Variants in CTNNA3 observed in about 807,000 individuals in gnomAD.
The protein encoded by CTNNA3 is catenin alpha 3.
Under a neutral mutation model 95.7 loss-of-function variants are expected in CTNNA3, and 76 were observed. The ratio of observed to expected loss-of-function variants is 0.79; its 90% CI spans 0.66 to 0.96. CTNNA3 has a LOEUF of 0.96. CTNNA3 is among the 40% of genes least tolerant of loss of function. The pLI, the probability that CTNNA3 is intolerant of heterozygous loss-of-function variation, is 0.00. For synonymous variants in CTNNA3, 431 were observed against 374.4 expected (o/e 1.15, Z -1.74); for missense variants, 1,191 against 1,089.8 (o/e 1.09, Z -1.31).
chr10:66,405,947 A>C (rs1384413267), intron 11 of CTNNA3, among the ~76,000 whole-genome samples: 2 of 152,130 alleles, frequency 1.3e-5, no homozygotes, highest in African/African-American at 4.8e-5. Context: ...TGAAAGCAGC[A>C]TCCTTTCAGA....
intron 5 of CTNNA3, among the ~76,000 whole-genome samples, chr10:67,254,541 C>T (rs1866254927): frequency 6.6e-6 from 1 of 152,118 alleles, no homozygotes; most frequent in Non-Finnish European, 1.5e-5. Flanking sequence ...ACTCTGAGCC[C>T]AATGTAATGC....
intron 13 of CTNNA3, among the ~76,000 whole-genome samples, chr10:66,278,991 C>T (rs1194023426): frequency 2.0e-5 from 3 of 152,084 alleles, no homozygotes; most frequent in African/African-American, 7.2e-5. Flanking sequence ...TACAGGGCCA[C>T]ATTTTCTAAT....
intron 10 of CTNNA3, among the ~76,000 whole-genome samples, chr10:66,555,860 T>A (rs1842373276): frequency 6.6e-6 from 1 of 151,730 alleles, no homozygotes; most frequent in Admixed American, 6.6e-5. Flanking sequence ...AGAGCACAAA[T>A]AAACAAGTGG....
At chr10:66,579,385 G>C (rs1392347271) in intron 10 of CTNNA3, among the ~76,000 whole-genome samples, 1 of 151,710 alleles carries the variant, frequency 6.6e-6, no homozygotes, top group African/African-American at 2.4e-5. Flanking sequence ...ATTATGAATG[G>C]ATTATAAATG....
intron 7 of CTNNA3, among the ~76,000 whole-genome samples, chr10:66,806,062 G>A (rs561292381): frequency 7.9e-5 from 12 of 152,032 alleles, no homozygotes; most frequent in African/African-American, 2.9e-4. Context: ...TGGGAAAAAG[G>A]TCATTCTAAT....
At chr10:67,371,926 T>C (rs1314268284) in intron 5 of CTNNA3, among the ~76,000 whole-genome samples, 1 of 152,222 alleles carries the variant, frequency 6.6e-6, no homozygotes, top group Non-Finnish European at 1.5e-5. Context: ...CCATTCTAAC[T>C]GGTGTGAGAT....
chr10:67,442,351 T>C (rs900484658), intron 5 of CTNNA3, among the ~76,000 whole-genome samples: 1 of 152,090 alleles, frequency 6.6e-6, no homozygotes, highest in Non-Finnish European at 1.5e-5. Context: ...AATAAGTCCT[T>C]ACTTATCAAT....
At chr10:67,692,350 T>C (rs2133591404) in intron 1 of CTNNA3, among the ~76,000 whole-genome samples, 1 of 145,948 alleles carries the variant, frequency 6.9e-6, no homozygotes, top group African/African-American at 2.5e-5. Context: ...CGTGTCTGTG[T>C]AGAAAGAGGT....
intron 11 of CTNNA3, among the ~76,000 whole-genome samples, chr10:66,455,404 G>A (rs1472476508): frequency 6.6e-6 from 1 of 152,114 alleles, no homozygotes; most frequent in African/African-American, 2.4e-5. Flanking sequence ...GTGCAGCAAG[G>A]TTATAGTGAG....
At chr10:66,390,523 G>A (rs948982495) in intron 11 of CTNNA3, among the ~76,000 whole-genome samples, 1 of 152,034 alleles carries the variant, frequency 6.6e-6, no homozygotes, top group Non-Finnish European at 1.5e-5. Context: ...TGAGCTAAGA[G>A]ACTTAAGCTA....
chr10:66,652,033 T>C (rs541433722), intron 9 of CTNNA3, among the ~76,000 whole-genome samples: 3 of 143,018 alleles, frequency 2.1e-5, no homozygotes, highest in Non-Finnish European at 3.0e-5. Context: ...TAGAAGTTTA[T>C]AGCAATAGAC....
In CTNNA3 at chr10:66,276,321, G is replaced by A. The variant is rs914981377; in HGVS notation, c.1884+4149C>T. Among the ~76,000 whole-genome samples, 13 of 152,132 alleles carry A rather than the reference G, an allele frequency of 8.5e-5. No homozygotes were observed. In the East Asian group the frequency reaches 1.9e-3, roughly 23 times the overall value. On this transcript the variant is annotated intron_variant, in intron 13 of 17. Coordinates refer to ENST00000433211, the MANE Select transcript of CTNNA3 (RefSeq NM_013266.4). ...TGTGAAATCTACATTCTGAATGCCC[G>A]TTATAGGAAAAATTTTACCTGAATC... is the stretch of plus-strand genomic sequence containing the variant.
chr10:66,105,107 C>T (rs538581677), intron 13 of CTNNA3, among the ~76,000 whole-genome samples: 1 of 152,244 alleles, frequency 6.6e-6, no homozygotes, highest in Non-Finnish European at 1.5e-5. Flanking sequence ...ATTAACATCC[C>T]CCCTCTCGCC....
chr10:66,877,588 T>C (rs1844675201), intron 7 of CTNNA3, among the ~76,000 whole-genome samples: 1 of 152,146 alleles, frequency 6.6e-6, no homozygotes, highest in South Asian at 2.1e-4. Flanking sequence ...ATCTGTGAGA[T>C]GGCCATTTAC....
chr10:67,291,812 A>G (rs936560096), intron 5 of CTNNA3, among the ~76,000 whole-genome samples: 2 of 152,214 alleles, frequency 1.3e-5, no homozygotes, highest in African/African-American at 4.8e-5. Context: ...ACCAAGGGAA[A>G]ACTCCTTCAG....
chr10:67,120,075 G>A (rs1022295086), intron 7 of CTNNA3, among the ~76,000 whole-genome samples: 2 of 151,890 alleles, frequency 1.3e-5, no homozygotes, highest in Admixed American at 6.6e-5. Flanking sequence ...TAGCACACAA[G>A]AGGGATGCAG....
intron 7 of CTNNA3, among the ~76,000 whole-genome samples, chr10:66,854,665 G>A (rs1843621926): frequency 6.6e-6 from 1 of 151,836 alleles, no homozygotes; most frequent in Non-Finnish European, 1.5e-5. Flanking sequence ...TGACTGACAA[G>A]GGCATTTCAC....
intron 5 of CTNNA3, among the ~76,000 whole-genome samples, chr10:67,432,916 G>GT (rs995620116): frequency 2.6e-5 from 4 of 152,026 alleles, no homozygotes; most frequent in African/African-American, 7.2e-5. Context: ...GATTTGGGGA[G>GT]TTTTTTCTAC....
In CTNNA3 at chr10:66,511,333, G is replaced by A. The variant is rs138139972; in HGVS notation, c.1531+9284C>T. 1.3e-4 allele frequency among the ~76,000 whole-genome samples: 19 copies of A among 151,478 alleles called. No homozygotes were observed. The East Asian group carries it at 3.1e-3, about 25-fold the overall frequency. Reference sequence around the variant, plus strand: ...CTTTTCAAAAACTAACTTTTTTCATGAATCTTTTGTTTGCTTTTTTGCCTC... The same window carrying A: ...CTTTTCAAAAACTAACTTTTTTCATAAATCTTTTGTTTGCTTTTTTGCCTC... On this transcript the variant is annotated intron_variant, in intron 11 of 17. Transcript: ENST00000433211.
Sources: allele counts gnomAD v4.1 joint callset (sites outside exome capture counted in the v4.1 genomes callset), GRCh38; gene constraint gnomAD v4.1.1; transcripts MANE v1.5; gene names NCBI Gene and HGNC (gene_info 2026-07-23, HGNC 2026-07-21).